Variants in ATP10D observed in about 807,000 individuals in gnomAD.
The protein encoded by ATP10D is phospholipid-transporting ATPase VD.
Under a neutral mutation model 144.8 loss-of-function variants are expected in ATP10D, and 89 were observed. The observed-to-expected ratio is 0.61, with a 90% CI of 0.52 to 0.73. The LOEUF is 0.73. ATP10D is among the 30% of genes least tolerant of loss of function. The pLI, the probability that ATP10D is intolerant of heterozygous loss-of-function variation, is 0.00. For synonymous variants in ATP10D, 571 were observed against 615.1 expected, an observed-to-expected ratio of 0.93 and a Z score of 1.06; for missense variants, 1,603 against 1,714.8, an observed-to-expected ratio of 0.93 and a Z score of 1.15.
chr4:47,547,602 A>G (rs929451414), intron 10 of ATP10D: 1 of 152,224 alleles, frequency 6.6e-6, no homozygotes, highest in African/African-American at 2.4e-5. Context: ...CTTGTGTTTT[A>G]CCAAAATGAG....
chr4:47,566,142 A>G (rs910484731), intron 15 of ATP10D, among the ~76,000 whole-genome samples: 3 of 152,220 alleles, frequency 2.0e-5, no homozygotes, highest in Admixed American at 1.3e-4. Flanking sequence ...TAAGCAGGCA[A>G]TGTGGCAGCC....
intron 5 of ATP10D, among the ~76,000 whole-genome samples, chr4:47,534,441 C>G (rs1717724417): frequency 6.6e-6 from 1 of 152,148 alleles, no homozygotes. Context: ...CTTCACAGAT[C>G]CTCTGAAGCC....
chr4:47,538,533 A>C (rs1717962435), intron 9 of ATP10D, among the ~76,000 whole-genome samples: 1 of 152,214 alleles, frequency 6.6e-6, no homozygotes, highest in Non-Finnish European at 1.5e-5. Context: ...GCTTAAACCA[A>C]CACAAATATG....
chr4:47,517,833 C>T (rs966760814), intron 3 of ATP10D, among the ~76,000 whole-genome samples: 1 of 152,118 alleles, frequency 6.6e-6, no homozygotes, highest in Admixed American at 6.5e-5. Context: ...GATTGATTTT[C>T]ATATAAACTT....
chr4:47,486,073 C>T (rs1315014713), intron 1 of ATP10D, among the ~76,000 whole-genome samples: 1 of 152,154 alleles, frequency 6.6e-6, no homozygotes, highest in Non-Finnish European at 1.5e-5. Flanking sequence ...GGAGCTTTCT[C>T]GGAAATAGTT....
In ATP10D at chr4:47,491,353, G is replaced by A. The variant is rs79537650; in HGVS notation, c.-38+5834G>A. ...ATTCCCTTGAAATCTCCAATATCAC[G>A]TCTCTTATAGATTCACAGGTATGTG... On this transcript the variant is annotated intron_variant, in intron 1 of 22. Transcript: ENST00000273859. 1.1e-3 allele frequency: 865 copies of A among 754,654 alleles called. 10 individuals carry two copies. The East Asian group carries it at 0.019, about 16-fold the overall frequency. The allele number at this position is 754,654 out of a possible 1,614,324, so 46.7% of individuals were successfully genotyped here.
chr4:47,568,064 T>A (rs1350777792), intron 15 of ATP10D, among the ~76,000 whole-genome samples: 1 of 152,260 alleles, frequency 6.6e-6, no homozygotes, highest in Non-Finnish European at 1.5e-5. Context: ...GAATGTTTAC[T>A]GAGTACCTGA....
At chr4:47,539,688 T>C (rs748111994) in intron 9 of ATP10D, among the ~76,000 whole-genome samples, 1 of 152,302 alleles carries the variant, frequency 6.6e-6, no homozygotes, top group Middle Eastern at 3.4e-3. Context: ...ATTTGTGAGG[T>C]TAGTGTTTTC....
At chr4:47,518,351 T>G (rs1716786948) in intron 3 of ATP10D, among the ~76,000 whole-genome samples, 2 of 152,134 alleles carry the variant, frequency 1.3e-5, no homozygotes, top group Non-Finnish European at 2.9e-5. Context: ...CCCAATTAAG[T>G]TAGAATAAGC....
intron 18 of ATP10D, among the ~76,000 whole-genome samples, chr4:47,573,764 G>A (rs955738802): frequency 6.6e-6 from 1 of 152,106 alleles, no homozygotes. Flanking sequence ...GTTAGTAGTA[G>A]ACATGGGTTG....
At chr4:47,584,370 G>T (rs915891476) in intron 21 of ATP10D, among the ~76,000 whole-genome samples, 6 of 151,744 alleles carry the variant, frequency 4.0e-5, no homozygotes, top group African/African-American at 7.2e-5. Flanking sequence ...TGTTTTTTTT[G>T]TTGTTGTTTT....
At chr4:47,557,082 T>C (rs1560443151) in intron 11 of ATP10D, 1 of 152,162 alleles carries the variant, frequency 6.6e-6, no homozygotes, top group Admixed American at 6.5e-5. Flanking sequence ...TGTATATTAT[T>C]ACTTGTTACT....
At chr4:47,530,441 G>A (rs930972631) in intron 5 of ATP10D, among the ~76,000 whole-genome samples, 2 of 141,924 alleles carry the variant, frequency 1.4e-5, no homozygotes, top group Non-Finnish European at 3.1e-5. Flanking sequence ...TGCTGTTGTT[G>A]TTCTTTTTGT....
intron 11 of ATP10D, chr4:47,556,894 T>A (rs527777141): frequency 3.2e-4 from 49 of 152,272 alleles, no homozygotes; most frequent in Non-Finnish European, 5.4e-4. Flanking sequence ...AAAAGTTCTA[T>A]GAAAATAGAA....
intron 10 of ATP10D, among the ~76,000 whole-genome samples, chr4:47,549,447 G>C (rs1718611884): frequency 6.6e-6 from 1 of 152,246 alleles, no homozygotes; most frequent in Non-Finnish European, 1.5e-5. Context: ...CTGGAAGCCA[G>C]GATCCTGTCT....
At chr4:47,495,737 CTT>C (rs34643518) in intron 1 of ATP10D, among the ~76,000 whole-genome samples, 171 of 141,466 alleles carry the variant, frequency 1.2e-3, no homozygotes, top group East Asian at 3.2e-3. Flanking sequence ...TTTTAAGCAA[CTT>C]TTTTTTTTTT....
intron 21 of ATP10D, among the ~76,000 whole-genome samples, chr4:47,584,614 T>A (rs1200955237): frequency 6.6e-6 from 1 of 152,140 alleles, no homozygotes; most frequent in Non-Finnish European, 1.5e-5. Flanking sequence ...GCCAGGATGG[T>A]CTCGATCTCC....
At chr4:47,500,478 T>C (rs559599128) in intron 1 of ATP10D, among the ~76,000 whole-genome samples, 1 of 152,284 alleles carries the variant, frequency 6.6e-6, no homozygotes, top group African/African-American at 2.4e-5. Flanking sequence ...TGATGAGAAG[T>C]GGTAAGATTC....
chr4:47,574,080 G>A (rs900719181), intron 18 of ATP10D, among the ~76,000 whole-genome samples: 16 of 152,186 alleles, frequency 1.1e-4, no homozygotes, highest in Admixed American at 9.8e-4. Context: ...GAACTTAGTG[G>A]TCAATGGCTT....
Sources: gnomAD v4.1 joint callset for allele counts (sites outside exome capture counted in the v4.1 genomes callset) on GRCh38, gnomAD v4.1.1 for gene constraint, MANE v1.5 for transcripts, NCBI Gene and HGNC (gene_info 2026-07-23, HGNC 2026-07-21) for gene names.